The following GCNT1 variants were observed in gnomAD, a reference collection of about 807,000 sequenced individuals.
GCNT1 encodes the protein glucosaminyl (N-acetyl) transferase 1.
Under a neutral mutation model 26.2 loss-of-function variants are expected in GCNT1, and 16 were observed. That is an observed-to-expected ratio of 0.61 (90% CI 0.41 to 0.93). The LOEUF is 0.93. Ranked by LOEUF, GCNT1 falls within the 40% of genes least tolerant of loss-of-function variation. The pLI is 0.00. For missense variants in GCNT1, 477 were observed against 526.7 expected, an observed-to-expected ratio of 0.91 and a Z score of 0.92; for synonymous variants, 183 against 190.8, an observed-to-expected ratio of 0.96 and a Z score of 0.34.
At position 76,495,113 on chromosome 9, in the gene GCNT1, A is replaced by G. The variant is rs565804082; in HGVS notation, c.-289-5803A>G. On this transcript the variant is annotated intron_variant, in intron 2 of 3. Coordinates refer to ENST00000376730, the MANE Select transcript of GCNT1 (RefSeq NM_001490.5). ...TAAGGAAAAATAGGACAGAATAGCAAGCGAAAGGGGTCCGATGGTACTCAC... is the reference window on the plus strand; with the variant it reads ...TAAGGAAAAATAGGACAGAATAGCAGGCGAAAGGGGTCCGATGGTACTCAC... Among the ~76,000 whole-genome samples the G allele has an allele frequency of 1.1e-4, 16 of 152,302 alleles. No individual in the cohort carries two copies. In the South Asian group the frequency reaches 3.3e-3, roughly 32 times the overall value.
Position 76,506,363 on chromosome 9 carries a change from AC to A in GCNT1, c.*2699del, listed in dbSNP as rs1825238664. 1 of 166,748 alleles carries A rather than the reference AC, an allele frequency of 6.0e-6. No homozygotes were observed. Among genetic ancestry groups the A allele is most frequent in the South Asian group, 2.1e-4 (1 of 4,818 alleles). The allele number at this position is 166,748 out of a possible 1,614,324, so 10.3% of individuals were successfully genotyped here. On this transcript the variant is annotated 3_prime_UTR_variant, in exon 4 of 4. Transcript: ENST00000376730. ...AGACCAGCCTAGCCAACATGACGAA[AC>A]CCCATCTCTACTGAAAATAGAAAAA...
chr9:76,425,383 C>T (rs1175371314), intron 1 of GCNT1, among the ~76,000 whole-genome samples: 4 of 151,858 alleles, frequency 2.6e-5, no homozygotes, highest in South Asian at 4.2e-4. Context: ...CCAACACGCC[C>T]GTCTAATTTT....
intron 1 of GCNT1, among the ~76,000 whole-genome samples, chr9:76,425,805 T>A (rs756968484): frequency 6.6e-6 from 1 of 152,106 alleles, no homozygotes; most frequent in Non-Finnish European, 1.5e-5. Flanking sequence ...ATTGGTTGGG[T>A]CAGAGATTAA....
chr9:76,475,104 A>G (rs1300280533), intron 2 of GCNT1, among the ~76,000 whole-genome samples: 1 of 152,206 alleles, frequency 6.6e-6, no homozygotes, highest in South Asian at 2.1e-4. Context: ...GGTGCAGCTC[A>G]TCTTTGAATA....
At chr9:76,499,964 A>G (rs912336078) in intron 2 of GCNT1, among the ~76,000 whole-genome samples, 7 of 152,138 alleles carry the variant, frequency 4.6e-5, no homozygotes, top group Admixed American at 3.9e-4. Flanking sequence ...GTTAGATACC[A>G]TACTCGTGCT....
At chr9:76,447,578 T>C (rs935149951) in intron 1 of GCNT1, among the ~76,000 whole-genome samples, 12 of 152,146 alleles carry the variant, frequency 7.9e-5, no homozygotes, top group African/African-American at 2.2e-4. Flanking sequence ...CTCTAACATC[T>C]AATGTATGTA....
the GCNT1 span, chr9:76,394,193 G>C: frequency 6.4e-7 from 1 of 1,570,054 alleles, no homozygotes; most frequent in African/African-American, 1.4e-5. Flanking sequence ...CTCGGGGAAT[G>C]GGCTGCGGCC....
At chr9:76,487,018 G>A (rs1432872616) in intron 2 of GCNT1, among the ~76,000 whole-genome samples, 1 of 152,200 alleles carries the variant, frequency 6.6e-6, no homozygotes, top group African/African-American at 2.4e-5. Flanking sequence ...TCAGCAGTTT[G>A]TTCAGTGTGA....
intron 1 of GCNT1, among the ~76,000 whole-genome samples, chr9:76,433,240 A>G (rs1242716427): frequency 6.6e-6 from 1 of 152,170 alleles, no homozygotes; most frequent in Non-Finnish European, 1.5e-5. Context: ...CCCTCTTCGG[A>G]GCTCAGCAGT....
chr9:76,475,981 T>C (rs1196986859), intron 2 of GCNT1, among the ~76,000 whole-genome samples: 8 of 152,184 alleles, frequency 5.3e-5, no homozygotes, highest in African/African-American at 1.9e-4. Context: ...GGGGCAATCA[T>C]TGTGGTTTGG....
chr9:76,415,489 A>G (rs978309980), upstream of GCNT1, among the ~76,000 whole-genome samples: 1 of 152,214 alleles, frequency 6.6e-6, no homozygotes, highest in Non-Finnish European at 1.5e-5. Flanking sequence ...ATATGTAATT[A>G]AGATGATTTT....
the GCNT1 span, among the ~76,000 whole-genome samples, chr9:76,413,762 C>G: frequency 3.4e-5 from 5 of 148,894 alleles, no homozygotes; most frequent in Middle Eastern, 6.9e-3. Context: ...TGGAAAGTCT[C>G]AGTCTTTATT....
intron 2 of GCNT1, among the ~76,000 whole-genome samples, chr9:76,467,493 T>TA (rs1001513713): frequency 1.3e-5 from 2 of 152,078 alleles, no homozygotes; most frequent in Non-Finnish European, 2.9e-5. Flanking sequence ...GTGGAACTTT[T>TA]AAAAAAACCT....
intron 1 of GCNT1, among the ~76,000 whole-genome samples, chr9:76,452,591 G>GTAAAA (rs1823689407): frequency 2.0e-5 from 3 of 152,126 alleles, no homozygotes; most frequent in Non-Finnish European, 2.9e-5. Context: ...TACACGGCTG[G>GTAAAA]AGCAGGGGGA....
At chr9:76,480,012 ATC>A (rs1824376099) in intron 2 of GCNT1, among the ~76,000 whole-genome samples, 1 of 152,284 alleles carries the variant, frequency 6.6e-6, no homozygotes, top group African/African-American at 2.4e-5. Flanking sequence ...TCTTTAATCC[ATC>A]TTGAATTAAT....
chr9:76,497,270 G>A (rs763639606), intron 2 of GCNT1, among the ~76,000 whole-genome samples: 3 of 152,088 alleles, frequency 2.0e-5, no homozygotes, highest in Non-Finnish European at 2.9e-5. Flanking sequence ...TAGCATGTGC[G>A]CATTTTTACT....
intron 2 of GCNT1, among the ~76,000 whole-genome samples, chr9:76,490,767 A>T (rs1202993645): frequency 6.9e-6 from 1 of 145,686 alleles, no homozygotes; most frequent in Non-Finnish European, 1.5e-5. Flanking sequence ...TCCTAACTGC[A>T]AGAGTTTTCT....
chr9:76,470,337 C>T (rs1443172023), intron 2 of GCNT1, among the ~76,000 whole-genome samples: 3 of 152,020 alleles, frequency 2.0e-5, no homozygotes, highest in African/African-American at 7.2e-5. Flanking sequence ...GGTGTGGTAC[C>T]TCATGCCTGT....
intron 1 of GCNT1, 38 bp downstream of exon 1, chr9:76,459,343 C>T (rs1587423131): frequency 6.6e-6 from 1 of 152,450 alleles, no homozygotes; most frequent in African/African-American, 2.4e-5. Context: ...GCTCGGCCGC[C>T]CGGCGGTGGG....
Sources: gnomAD v4.1 joint callset for allele counts (sites outside exome capture counted in the v4.1 genomes callset) on GRCh38, gnomAD v4.1.1 for gene constraint, MANE v1.5 for transcripts, NCBI Gene and HGNC (gene_info 2026-07-23, HGNC 2026-07-21) for gene names.